Variants in GREB1L observed in about 807,000 individuals in gnomAD.
GREB1L encodes the protein GREB1 like retinoic acid receptor coactivator, also known as GREB1-like protein.
Under a neutral mutation model 200.8 loss-of-function variants are expected in GREB1L, and 17 were observed. The ratio of observed to expected loss-of-function variants is 0.08; its 90% confidence interval spans 0.06 to 0.13. The LOEUF is 0.13. Among genes scored for constraint, GREB1L ranks in the 10% least tolerant of loss-of-function variants. The probability of loss-of-function intolerance (pLI) is 1.00; values close to 1 mark genes in which losing one functional copy is unlikely to be tolerated. For missense variants in GREB1L, 1,657 were observed against 2,367.7 expected, an observed-to-expected ratio of 0.70 and a Z score of 6.23; for synonymous variants, 789 against 893.0, an observed-to-expected ratio of 0.88 and a Z score of 2.08.
chr18:21,391,020 C>T (rs1274365958), intron 4 of GREB1L, among the ~76,000 whole-genome samples: 1 of 152,054 alleles, frequency 6.6e-6, no homozygotes, highest in Non-Finnish European at 1.5e-5. Flanking sequence ...TAAAAAGTTA[C>T]AGTAAGCTAA....
chr18:21,298,968 G>A (rs2038573775), intron 1 of GREB1L, among the ~76,000 whole-genome samples: 6 of 151,928 alleles, frequency 3.9e-5, no homozygotes, highest in Admixed American at 3.9e-4. Context: ...TGAGGGTGTA[G>A]GAAGGAAAGG....
rs1464463267 is a variant in GREB1L at position 21,444,969 on chromosome 18, A to G, written c.1393+560A>G. ...CCTCCCTGGAAGGTCTTTAAGCTAT[A>G]GGGTAAGGGGGATATGTAGGTCATG... On this transcript the variant is annotated intron_variant, in intron 11 of 32. Coordinates refer to ENST00000424526, the MANE Select transcript of GREB1L (RefSeq NM_001142966.3). Among the ~76,000 whole-genome samples, 3 of 152,272 alleles carry G rather than the reference A, an allele frequency of 2.0e-5. No individual in the cohort carries two copies. The East Asian group carries it at 5.8e-4, about 29-fold the overall frequency.
Position 21,525,905 on chromosome 18 carries a change from A to G in GREB1L, c.*3084A>G, listed in dbSNP as rs1407683614. On this transcript the variant is annotated 3_prime_UTR_variant, in exon 33 of 33. Coordinates refer to ENST00000424526, the MANE Select transcript of GREB1L (RefSeq NM_001142966.3). ...TCCATGAAAACAATCTTCTAGGCCAAAGGACCCTCAGGAAGGGCAATAAAT... is the reference window on the plus strand; with the variant it reads ...TCCATGAAAACAATCTTCTAGGCCAGAGGACCCTCAGGAAGGGCAATAAAT... Among the ~76,000 whole-genome samples the G allele has an allele frequency of 6.6e-6, 1 of 152,180 alleles. No homozygotes were observed. The highest frequency in any genetic ancestry group is 2.4e-5 in the African/African-American group (1 of 41,450).
intron 1 of GREB1L, among the ~76,000 whole-genome samples, chr18:21,340,210 G>A (rs1193399142): frequency 2.0e-5 from 3 of 152,122 alleles, no homozygotes; most frequent in Non-Finnish European, 4.4e-5. Context: ...AAGGTCAGGA[G>A]ATCAAGACCA....
intron 1 of GREB1L, among the ~76,000 whole-genome samples, chr18:21,352,144 C>CCG (rs1236583950): frequency 6.6e-6 from 1 of 152,084 alleles, no homozygotes; most frequent in Non-Finnish European, 1.5e-5. Context: ...CCACGCCCAG[C>CCG]CATGCAAGCT....
chr18:21,434,527 G>GTATATATA (rs745921166), intron 7 of GREB1L, among the ~76,000 whole-genome samples: 102 of 138,780 alleles, frequency 7.3e-4, no homozygotes, highest in African/African-American at 1.9e-3. Context: ...GTGTGTGTGT[G>GTATATATA]TGTGTATATA....
At chr18:21,467,520 C>T (rs555308883) in intron 15 of GREB1L, among the ~76,000 whole-genome samples, 5 of 152,204 alleles carry the variant, frequency 3.3e-5, no homozygotes, top group African/African-American at 9.6e-5. Flanking sequence ...TGGAGAAATG[C>T]GAATCAAAAC....
intron 1 of GREB1L, among the ~76,000 whole-genome samples, chr18:21,253,904 A>G (rs1023971258): frequency 7.4e-6 from 1 of 135,070 alleles, no homozygotes; most frequent in Non-Finnish European, 1.5e-5. Context: ...TGGCACAATC[A>G]TAGCTCACTG....
chr18:21,485,857 C>T (rs910429003), intron 18 of GREB1L, 104 bp downstream of exon 18: 2 of 1,128,904 alleles, frequency 1.8e-6, no homozygotes, highest in East Asian at 5.4e-5. Flanking sequence ...TTGATGGAGC[C>T]CTTGCAGATG....
chr18:21,505,279 A>C, intron 23 of GREB1L, 133 bp from the exon 24 acceptor site: 1 of 748,108 alleles, frequency 1.3e-6, no homozygotes. Flanking sequence ...CTCTACTGGG[A>C]CAGGGGAGCT....
At chr18:21,509,999 G>C (rs925752071) in intron 27 of GREB1L, among the ~76,000 whole-genome samples, 7 of 151,958 alleles carry the variant, frequency 4.6e-5, no homozygotes, top group African/African-American at 1.7e-4. Flanking sequence ...CTGAGGTCAG[G>C]AGTTTTGAGA....
intron 7 of GREB1L, among the ~76,000 whole-genome samples, chr18:21,437,057 T>C (rs186213940): frequency 6.6e-6 from 1 of 152,226 alleles, no homozygotes; most frequent in Admixed American, 6.5e-5. Context: ...AGAATGAGCA[T>C]AAAGAGAGCC....
intron 1 of GREB1L, among the ~76,000 whole-genome samples, chr18:21,268,188 A>T (rs1382307800): frequency 6.6e-6 from 1 of 151,978 alleles, no homozygotes; most frequent in Non-Finnish European, 1.5e-5. Context: ...AGCACAGCGG[A>T]ATCAAAAGCA....
At chr18:21,294,388 G>A (rs2038496142) in intron 1 of GREB1L, among the ~76,000 whole-genome samples, 1 of 151,902 alleles carries the variant, frequency 6.6e-6, no homozygotes, top group Non-Finnish European at 1.5e-5. Context: ...GCTTCTGGTG[G>A]TGGAAGTGAC....
chr18:21,489,927 C>G, intron 18 of GREB1L, 85 bp from the exon 19 acceptor site: 1 of 966,650 alleles, frequency 1.0e-6, no homozygotes, highest in Non-Finnish European at 1.6e-6. Context: ...CCCCACCATG[C>G]TTAATCTGCA....
intron 7 of GREB1L, among the ~76,000 whole-genome samples, chr18:21,415,550 G>A (rs2144770825): frequency 6.6e-6 from 1 of 152,090 alleles, no homozygotes; most frequent in South Asian, 2.1e-4. Flanking sequence ...AGAGAGCGAG[G>A]GGAGGGAGAA....
chr18:21,343,932 T>C (rs1396444376), intron 1 of GREB1L, among the ~76,000 whole-genome samples: 4 of 151,958 alleles, frequency 2.6e-5, no homozygotes, highest in African/African-American at 2.4e-5. Context: ...TGTACCACCA[T>C]GCCCGGCTAA....
intron 13 of GREB1L, 67 bp downstream of exon 13, chr18:21,451,218 T>G: frequency 6.7e-7 from 1 of 1,501,928 alleles, no homozygotes; most frequent in Non-Finnish European, 9.0e-7. Context: ...GTTTAAATCT[T>G]AGCCTGTCAA....
chr18:21,268,148 G>C (rs540196591), intron 1 of GREB1L, among the ~76,000 whole-genome samples: 1 of 152,130 alleles, frequency 6.6e-6, no homozygotes, highest in Admixed American at 6.5e-5. Flanking sequence ...AATGGTGGTA[G>C]ACTTAATAGG....
Sources: gnomAD v4.1 joint callset for allele counts (sites outside exome capture counted in the v4.1 genomes callset) on GRCh38, gnomAD v4.1.1 for gene constraint, MANE v1.5 for transcripts, NCBI Gene and HGNC (gene_info 2026-07-23, HGNC 2026-07-21) for gene names.